The following RFC3 variants were observed in gnomAD, a reference collection of about 807,000 sequenced individuals.
RFC3 encodes A1 38 kDa subunit.
Under a neutral mutation model 45.1 loss-of-function variants are expected in RFC3, and 41 were observed. The ratio of observed to expected loss-of-function variants is 0.91; its 90% CI spans 0.71 to 1.18. The LOEUF is 1.18. RFC3 is among the 50% of genes most tolerant of loss of function. The pLI, the probability that RFC3 is intolerant of heterozygous loss-of-function variation, is 0.00. For synonymous variants in RFC3, 149 were observed against 144.0 expected (o/e 1.03, Z -0.25); for missense variants, 423 against 428.1 (o/e 0.99, Z 0.10).
At position 33,903,114 on chromosome 13, in the gene RFC3, A is replaced by G. The variant is rs187543280; in HGVS notation, c.880-62973A>G. On this transcript the variant is annotated intron_variant, in intron 8 of 8. Coordinates refer to the RFC3 transcript ENST00000434425. ...TCTGTAGCCTGAAAGGCTCCACACAATCCAACCCCTGCCAAGCTCTTGACC... is the reference window on the plus strand; with the variant it reads ...TCTGTAGCCTGAAAGGCTCCACACAGTCCAACCCCTGCCAAGCTCTTGACC... Among the ~76,000 whole-genome samples the G allele has an allele frequency of 1.7e-3, 257 of 151,984 alleles. 1 individual carries two copies. The highest frequency in any genetic ancestry group is 6.8e-3 in the Middle Eastern group (2 of 294).
chr13:33,863,343 C>T (rs1026156660), intron 8 of RFC3, among the ~76,000 whole-genome samples: 2 of 152,186 alleles, frequency 1.3e-5, no homozygotes, highest in African/African-American at 4.8e-5. Flanking sequence ...CCTCACTCTG[C>T]TAGGTAACAG....
At chr13:33,859,890 C>T (rs2082330086) in intron 8 of RFC3, among the ~76,000 whole-genome samples, 1 of 152,116 alleles carries the variant, frequency 6.6e-6, no homozygotes, top group Non-Finnish European at 1.5e-5. Flanking sequence ...AAGCCCTAAC[C>T]ACCAATATGA....
chr13:33,908,503 A>G (rs1016931973), intron 8 of RFC3, among the ~76,000 whole-genome samples: 13 of 151,828 alleles, frequency 8.6e-5, no homozygotes, highest in African/African-American at 3.1e-4. Context: ...GAGAATTATT[A>G]TTATTGCAGA....
chr13:33,836,208 C>G lies in RFC3; in HGVS notation c.984C>G (p.Ala328=). 2 of 1,613,522 alleles carry G rather than the reference C, an allele frequency of 1.2e-6. No homozygotes were observed. Among genetic ancestry groups the G allele is most frequent in the East Asian group, 4.5e-5 (2 of 44,860 alleles). ...ATCGTCTACAGCTGGGTAGCAAAGC[C>G]ATTTATCACTTGGAAGCGTTTGTGG... ...YEHRLQLGSK[A]IYHLEAFVAK... Residue 328 remains alanine, a synonymous_variant, in exon 9 of 9, where the codon GCC becomes GCG. Transcript: ENST00000380071.
rs1290674613 is a variant in RFC3 at position 33,844,912 on chromosome 13, ATTCTT to A, written c.879+9702_879+9706del. ...AGATGATTTCTTGTTTCTCATTAAC[ATTCTT>A]TTCTTTCAGAGCGAAGAAATCCCTT... On this transcript the variant is annotated intron_variant, in intron 8 of 8. Coordinates refer to the RFC3 transcript ENST00000434425. Among the ~76,000 whole-genome samples the A allele has an allele frequency of 1.3e-4, 20 of 152,296 alleles. 1 individual carries two copies. Among genetic ancestry groups the A allele is most frequent in the African/African-American group, 4.8e-4 (20 of 41,570 alleles).
chr13:33,879,771 G>C (rs2082470640), intron 8 of RFC3, among the ~76,000 whole-genome samples: 1 of 152,108 alleles, frequency 6.6e-6, no homozygotes, highest in Non-Finnish European at 1.5e-5. Context: ...TACAGTTCTG[G>C]AGTGTAGAAG....
At chr13:33,952,285 T>A (rs1385728668) in intron 8 of RFC3, among the ~76,000 whole-genome samples, 1 of 152,154 alleles carries the variant, frequency 6.6e-6, no homozygotes, top group Non-Finnish European at 1.5e-5. Flanking sequence ...TATTGAAAAA[T>A]CATCTAGAAG....
chr13:33,912,322 G>C (rs1023052571), intron 8 of RFC3, among the ~76,000 whole-genome samples: 1 of 152,016 alleles, frequency 6.6e-6, no homozygotes, highest in Admixed American at 6.6e-5. Context: ...CCACAGTGAT[G>C]GTGGTAATGT....
intron 8 of RFC3, among the ~76,000 whole-genome samples, chr13:33,844,233 T>C (rs2082221370): frequency 6.6e-6 from 1 of 152,240 alleles, no homozygotes; most frequent in South Asian, 2.1e-4. Flanking sequence ...CCTAGTCTTC[T>C]GGTTCTTTAA....
At chr13:33,876,404 A>G (rs900098018) in intron 8 of RFC3, among the ~76,000 whole-genome samples, 20 of 152,292 alleles carry the variant, frequency 1.3e-4, no homozygotes, top group Middle Eastern at 3.4e-3. Context: ...ATTTTAATCA[A>G]TGTTCATTGC....
At chr13:33,877,263 A>AT in intron 8 of RFC3, among the ~76,000 whole-genome samples, 1 of 152,296 alleles carries the variant, frequency 6.6e-6, no homozygotes, top group Admixed American at 6.5e-5. Flanking sequence ...CTTAGCCATT[A>AT]TGCTGTATTG....
At chr13:33,832,481 A>G (rs910628316) in intron 7 of RFC3, among the ~76,000 whole-genome samples, 36 of 152,178 alleles carry the variant, frequency 2.4e-4, no homozygotes, top group African/African-American at 8.7e-4. Context: ...CCTGGTTACC[A>G]TATAGATTGG....
intron 3 of RFC3, 33 bp downstream of exon 3, chr13:33,824,017 T>G (rs2082027284): frequency 5.4e-6 from 6 of 1,117,724 alleles, no homozygotes; most frequent in Non-Finnish European, 7.7e-6. Context: ...TTAAGTATTT[T>G]TAAAGAAATT....
At position 33,836,319 on chromosome 13, in the gene RFC3, G is replaced by A; in HGVS notation, c.*24G>A. The A allele has an allele frequency of 6.2e-7, 1 of 1,609,424 alleles. No individual in the cohort carries two copies. Among genetic ancestry groups the A allele is most frequent in the African/African-American group, 1.3e-5 (1 of 74,892 alleles). Reference sequence around the variant, plus strand: ...GACTTCTGTCAGTTATTCTTGCAAAGATTTCTCAGTATCAGTATTTACATA... The same window carrying A: ...GACTTCTGTCAGTTATTCTTGCAAAAATTTCTCAGTATCAGTATTTACATA... On this transcript the variant is annotated 3_prime_UTR_variant, in exon 9 of 9. Transcript: ENST00000380071.
At chr13:33,832,612 A>T (rs1566383744) in intron 7 of RFC3, among the ~76,000 whole-genome samples, 1 of 152,184 alleles carries the variant, frequency 6.6e-6, no homozygotes, top group Admixed American at 6.5e-5. Context: ...AAGAAGTACC[A>T]AATGTTATAA....
rs1555235491 is a variant in RFC3 at position 33,872,796 on chromosome 13, C to CCG, written c.879+37580_879+37581insGC. 3.7e-5 allele frequency among the ~76,000 whole-genome samples: 5 copies of CCG among 134,616 alleles called. 1 individual carries two copies. The highest frequency in any genetic ancestry group is 2.4e-4 in the East Asian group (1 of 4,186). 88.3% of individuals were successfully genotyped at this position (134,616 alleles called of 152,430 possible). A position where few individuals can be genotyped will look rare whatever the true frequency, so the allele number is the denominator to read the frequency against. Reference sequence around the variant, plus strand: ...ACAAAAAAAGAAAGAAACCAAACCCCCCCCCCCAAAATACATGGTAGGCAC... The same window carrying CCG: ...ACAAAAAAAGAAAGAAACCAAACCCCCGCCCCCCCAAAATACATGGTAGGCAC... On this transcript the variant is annotated intron_variant, in intron 8 of 8. Transcript: ENST00000434425.
chr13:33,905,100 G>A (rs1315792170), intron 8 of RFC3, among the ~76,000 whole-genome samples: 2 of 151,942 alleles, frequency 1.3e-5, no homozygotes, highest in Non-Finnish European at 1.5e-5. Flanking sequence ...CTGGGTATAC[G>A]AGTGCATGTT....
At chr13:33,841,566 A>G (rs995978774), downstream of RFC3, among the ~76,000 whole-genome samples, 3 of 152,188 alleles carry the variant, frequency 2.0e-5, no homozygotes, top group Non-Finnish European at 1.5e-5. Flanking sequence ...TATAAGACAT[A>G]TACAAAATGA....
At chr13:33,827,730 T>C (rs1338506741) in intron 4 of RFC3, among the ~76,000 whole-genome samples, 1 of 152,226 alleles carries the variant, frequency 6.6e-6, no homozygotes, top group Non-Finnish European at 1.5e-5. Flanking sequence ...GTCTCTTTCA[T>C]ATCCATAAAG....
Sources: gnomAD v4.1 joint callset for allele counts (sites outside exome capture counted in the v4.1 genomes callset) on GRCh38, gnomAD v4.1.1 for gene constraint, MANE v1.5 for transcripts, NCBI Gene and HGNC (gene_info 2026-07-23, HGNC 2026-07-21) for gene names.